Variants in SRRM4 observed in about 807,000 individuals in gnomAD.
SRRM4 encodes serine/arginine repetitive matrix 4.
In SRRM4, 33 loss-of-function variants were observed where a neutral mutation model predicts 68.9. That is an observed-to-expected ratio of 0.48 (90% CI 0.36 to 0.64). The LOEUF (loss-of-function observed/expected upper bound fraction) is 0.64. Ranked by LOEUF, SRRM4 falls within the 30% of genes least tolerant of loss-of-function variation. The pLI is 0.00. For synonymous variants in SRRM4, 318 were observed against 318.8 expected (o/e 1.00, Z 0.03); for missense variants, 817 against 827.1 (o/e 0.99, Z 0.15).
chr12:119,043,137 C>T (rs1489165166), intron 1 of SRRM4, among the ~76,000 whole-genome samples: 1 of 152,098 alleles, frequency 6.6e-6, no homozygotes, highest in African/African-American at 2.4e-5. Context: ...ACAGAATGAA[C>T]CCAAATGCCC....
intron 8 of SRRM4, among the ~76,000 whole-genome samples, chr12:119,140,680 G>C (rs1954359787): frequency 6.6e-6 from 1 of 152,220 alleles, no homozygotes; most frequent in South Asian, 2.1e-4. Context: ...GAAGTAAGAA[G>C]ACCCAGCACA....
intron 1 of SRRM4, among the ~76,000 whole-genome samples, chr12:119,050,315 C>A (rs993456525): frequency 6.6e-6 from 1 of 152,218 alleles, no homozygotes; most frequent in African/African-American, 2.4e-5. Flanking sequence ...TGTTTGATCT[C>A]CTTTCAAGAA....
At position 118,993,163 on chromosome 12, in the gene SRRM4, T is replaced by G. The variant is rs532306377; in HGVS notation, c.131+11150T>G. 5.9e-5 allele frequency among the ~76,000 whole-genome samples: 9 copies of G among 152,172 alleles called. No homozygotes were observed. The South Asian group carries it at 1.0e-3, about 18-fold the overall frequency. ...GACCTGGAATAAGCTCCAGATCTCT[T>G]GACTCCAAGTTTAATGCCCTCATGC... On this transcript the variant is annotated intron_variant, in intron 1 of 12. Coordinates refer to ENST00000267260, the MANE Select transcript of SRRM4 (RefSeq NM_194286.4).
At chr12:119,005,370 C>T (rs1033143937) in intron 1 of SRRM4, among the ~76,000 whole-genome samples, 4 of 152,196 alleles carry the variant, frequency 2.6e-5, no homozygotes, top group Non-Finnish European at 4.4e-5. Context: ...CTTGGAGGCT[C>T]ATGGGAATCA....
chr12:119,018,719 C>T (rs539881565), intron 1 of SRRM4, among the ~76,000 whole-genome samples: 1 of 152,008 alleles, frequency 6.6e-6, no homozygotes, highest in African/African-American at 2.4e-5. Flanking sequence ...GGTGGCCACT[C>T]GTATTTAGAA....
At chr12:119,002,002 T>A (rs915427790) in intron 1 of SRRM4, among the ~76,000 whole-genome samples, 49 of 125,968 alleles carry the variant, frequency 3.9e-4, no homozygotes, top group Middle Eastern at 4.6e-3. Context: ...AAAAAAAAAA[T>A]CACACAACTA....
intron 4 of SRRM4, among the ~76,000 whole-genome samples, chr12:119,119,813 T>C (rs920270342): frequency 6.6e-6 from 1 of 151,692 alleles, no homozygotes; most frequent in Non-Finnish European, 1.5e-5. Flanking sequence ...AGATGGAGAA[T>C]GGAGGAGGGG....
intron 2 of SRRM4, among the ~76,000 whole-genome samples, chr12:119,108,414 G>C (rs1323217591): frequency 6.6e-6 from 1 of 152,144 alleles, no homozygotes; most frequent in Non-Finnish European, 1.5e-5. Context: ...TGACAGTGGG[G>C]TGTTAAAGTC....
intron 1 of SRRM4, among the ~76,000 whole-genome samples, chr12:119,043,958 C>G (rs139310440): frequency 6.6e-6 from 1 of 152,144 alleles, no homozygotes; most frequent in Non-Finnish European, 1.5e-5. Context: ...CTCCGCCTTC[C>G]GGTTTTCAAG....
chr12:119,043,775 T>TACACACACACACACACACACACAC (rs58053550), intron 1 of SRRM4, among the ~76,000 whole-genome samples: 69 of 141,762 alleles, frequency 4.9e-4, no homozygotes, highest in Middle Eastern at 3.6e-3. Flanking sequence ...CATACACGCA[T>TACACACACACACACACACACACAC]ACACACACAC....
intron 1 of SRRM4, among the ~76,000 whole-genome samples, chr12:119,050,201 C>G (rs1279218932): frequency 1.3e-5 from 2 of 152,170 alleles, no homozygotes; most frequent in Non-Finnish European, 2.9e-5. Context: ...ATACTCTGTG[C>G]CAGGTACTGA....
At chr12:119,040,247 A>G (rs1375278793) in intron 1 of SRRM4, among the ~76,000 whole-genome samples, 1 of 152,164 alleles carries the variant, frequency 6.6e-6, no homozygotes, top group Non-Finnish European at 1.5e-5. Flanking sequence ...GTATTTGGTT[A>G]CATGAGTAAG....
chr12:119,143,993 A>C (rs1489949488), intron 8 of SRRM4, among the ~76,000 whole-genome samples: 1 of 152,154 alleles, frequency 6.6e-6, no homozygotes, highest in Admixed American at 6.5e-5. Flanking sequence ...GTGTCATCCC[A>C]GCCACAACAG....
chr12:119,053,524 T>G lies in SRRM4; in HGVS notation c.132-48712T>G, dbSNP rs184715921. 3.4e-3 allele frequency among the ~76,000 whole-genome samples: 516 copies of G among 152,358 alleles called. 12 individuals are homozygous for G. Among genetic ancestry groups the G allele is most frequent in the Non-Finnish European group, 1.4e-3 (93 of 68,036 alleles). On this transcript the variant is annotated intron_variant, in intron 1 of 12. Coordinates refer to ENST00000267260, the MANE Select transcript of SRRM4 (RefSeq NM_194286.4). ...ACTGTGTTGCCTTGAGAAAGGTTTG[T>G]GACTCTCTGTTTTGGTGTCAATTAA...
chr12:118,989,372 G>A (rs1458232917), intron 1 of SRRM4, among the ~76,000 whole-genome samples: 2 of 152,188 alleles, frequency 1.3e-5, no homozygotes, highest in Non-Finnish European at 2.9e-5. Flanking sequence ...CCAAATAGCA[G>A]TGATAGATTT....
In SRRM4 at chr12:119,153,589, C is replaced by G. The variant is rs761515865; in HGVS notation, c.1331C>G (p.Pro444Arg). Reference protein sequence around the residue: ...SYSSKSGKRSPPSRSSRSRRS... With the variant: ...SYSSKSGKRSRPSRSSRSRRS... ...TCCTCCAAGTCTGGCAAGAGGAGCC[C>G]GCCCAGCAGAAGCTCTAGGTCCCGC... Residue 444 changes from proline to arginine, a missense_variant, in exon 11 of 13, where the codon CCG (proline) becomes CGG (arginine). By Grantham distance (103) the Pro-to-Arg change is moderately radical. Coordinates refer to ENST00000267260, the MANE Select transcript of SRRM4 (RefSeq NM_194286.4). The G allele has an allele frequency of 3.8e-6, 6 of 1,576,822 alleles. No homozygotes were observed. The South Asian group carries it at 5.8e-5, about 15-fold the overall frequency.
At chr12:119,073,713 T>C (rs1021058555) in intron 1 of SRRM4, among the ~76,000 whole-genome samples, 1 of 152,174 alleles carries the variant, frequency 6.6e-6, no homozygotes, top group Non-Finnish European at 1.5e-5. Flanking sequence ...CTTGAACTCC[T>C]GGACTCAAGC....
chr12:119,025,496 G>T (rs573697869), intron 1 of SRRM4, among the ~76,000 whole-genome samples: 2 of 152,176 alleles, frequency 1.3e-5, no homozygotes, highest in South Asian at 4.2e-4. Flanking sequence ...CCAGGCTGGA[G>T]GGCAATGGCA....
intron 1 of SRRM4, among the ~76,000 whole-genome samples, chr12:119,049,439 G>A (rs540158455): frequency 2.0e-5 from 3 of 152,146 alleles, no homozygotes; most frequent in Non-Finnish European, 2.9e-5. Flanking sequence ...AACTTTTTTC[G>A]TTATTAGCAG....
Sources: gnomAD v4.1 joint callset for allele counts (sites outside exome capture counted in the v4.1 genomes callset) on GRCh38, gnomAD v4.1.1 for gene constraint, MANE v1.5 for transcripts, NCBI Gene and HGNC (gene_info 2026-07-23, HGNC 2026-07-21) for gene names.